The following RPP30 variants were observed in gnomAD, a reference collection of about 807,000 sequenced individuals.
RPP30 encodes ribonuclease P protein subunit p30.
RPP30 carries 36 observed loss-of-function variants against 38.6 expected under a neutral mutation model. The ratio of observed to expected loss-of-function variants is 0.93; its 90% confidence interval spans 0.71 to 1.23. The LOEUF is 1.23. Ranked by LOEUF, RPP30 falls within the 50% of genes most tolerant of loss-of-function variation. RPP30 has a pLI of 0.00. For missense variants in RPP30, 321 were observed against 321.7 expected, an observed-to-expected ratio of 1.00 and a Z score of 0.02; for synonymous variants, 126 against 112.7, an observed-to-expected ratio of 1.12 and a Z score of -0.75.
chr10:90,908,048 A>C (rs1054986615), downstream of RPP30, among the ~76,000 whole-genome samples: 1 of 152,222 alleles, frequency 6.6e-6, no homozygotes, highest in Non-Finnish European at 1.5e-5. Flanking sequence ...TACTGTAGGC[A>C]ACTATAACAC....
At position 90,901,184 on chromosome 10, in the gene RPP30, A is replaced by G. The variant is rs1396697263; in HGVS notation, c.*505A>G. The G allele has an allele frequency of 7.4e-6, 2 of 269,896 alleles. No homozygotes were observed. The highest frequency in any genetic ancestry group is 2.7e-5 in the African/African-American group (1 of 37,352). 16.7% of individuals were successfully genotyped at this position (269,896 alleles called of 1,614,324 possible). ...TTTTCCCTTGTAGAGACATGGTCTC[A>G]CTATGTTGCTGAGGCTGGTCTCAAA... On this transcript the variant is annotated 3_prime_UTR_variant, in exon 11 of 11. Transcript: ENST00000371703.
At position 90,901,794 on chromosome 10, in the gene RPP30, A is replaced by ACTGTT; in HGVS notation, c.*1119_*1123dup. 1 of 984,000 alleles carries ACTGTT rather than the reference A, an allele frequency of 1.0e-6. No homozygotes were observed. Among genetic ancestry groups the ACTGTT allele is most frequent in the Non-Finnish European group, 1.2e-6 (1 of 828,898 alleles). 61.0% of individuals were successfully genotyped at this position (984,000 alleles called of 1,614,324 possible). A position where few individuals can be genotyped will look rare whatever the true frequency, so the allele number is the denominator to read the frequency against. ...AATTTTTTTAAGCAAGAGAAAGACA[A>ACTGTT]CTGTTCTGCGGGTTGGAGAAAATAC... is the stretch of plus-strand genomic sequence containing the variant. On this transcript the variant is annotated 3_prime_UTR_variant, in exon 11 of 11. Coordinates refer to ENST00000371703, the MANE Select transcript of RPP30 (RefSeq NM_006413.5).
chr10:90,895,802 T>G lies in RPP30; in HGVS notation c.580-78T>G, dbSNP rs10881848. Reference sequence around the variant, plus strand: ...TTTTTTTATTTTTGGATACTTAAATTTTCTATTAATTTGCTATAAGTCATT... The same window carrying G: ...TTTTTTTATTTTTGGATACTTAAATGTTCTATTAATTTGCTATAAGTCATT... On this transcript the variant is annotated intron_variant, in intron 8 of 10. Coordinates refer to ENST00000371703, the MANE Select transcript of RPP30 (RefSeq NM_006413.5). 3.8e-6 allele frequency: 4 copies of G among 1,062,564 alleles called. No individual in the cohort carries two copies. In the African/African-American group the frequency reaches 5.0e-5, roughly 13 times the overall value. The allele number at this position is 1,062,564 out of a possible 1,614,324, so 65.8% of individuals were successfully genotyped here. A position where few individuals can be genotyped will look rare whatever the true frequency, so the allele number is the denominator to read the frequency against.
intron 10 of RPP30, among the ~76,000 whole-genome samples, chr10:90,897,364 T>C (rs915319330): frequency 2.0e-5 from 3 of 152,234 alleles, no homozygotes; most frequent in African/African-American, 7.2e-5. Flanking sequence ...GGCTTGTGTG[T>C]TGGGCTTTAT....
intron 10 of RPP30, among the ~76,000 whole-genome samples, chr10:90,899,560 A>T (rs1396748319): frequency 6.6e-6 from 1 of 152,160 alleles, no homozygotes; most frequent in Admixed American, 6.5e-5. Context: ...ATGGCCTTTC[A>T]TAAGTTACCC....
At position 90,894,881 on chromosome 10, in the gene RPP30, G is replaced by C. The variant is rs769295155; in HGVS notation, c.539G>C (p.Cys180Ser). The C allele has an allele frequency of 1.3e-5, 21 of 1,599,892 alleles. No homozygotes were observed. In the Admixed American group the frequency reaches 2.8e-4, roughly 22 times the overall value. Residue 180 changes from cysteine (C) to serine (S), a missense_variant, in exon 7 of 11, where the codon TGC becomes TCC. Cys to Ser is a moderately radical substitution (Grantham distance 112). Coordinates refer to ENST00000371703, the MANE Select transcript of RPP30 (RefSeq NM_006413.5). ...AGTGCCCTCAATTTGATGCAAATCT[G>C]CAAAGGAAAGGTATGGTTCTATAAT... ...ISSALNLMQICKGKNVIISSA... is the reference protein window; with the variant it reads ...ISSALNLMQISKGKNVIISSA...
chr10:90,873,246 TTAA>T (rs1341026714), intron 1 of RPP30, among the ~76,000 whole-genome samples: 3 of 152,190 alleles, frequency 2.0e-5, no homozygotes, highest in South Asian at 2.1e-4. Context: ...AAAAGAAAAG[TTAA>T]TAATGATTTC....
chr10:90,887,154 G>A (rs1481542702), intron 6 of RPP30, among the ~76,000 whole-genome samples: 18 of 151,586 alleles, frequency 1.2e-4, no homozygotes, highest in African/African-American at 3.9e-4. Context: ...GTTTTGTAAA[G>A]TTGAGGTCTC....
rs370641939 is a variant in RPP30 at position 90,884,269 on chromosome 10, C to T, written c.343-1543C>T. The stretch of plus-strand genomic sequence containing the variant: ...TTCTCTATAGGAGACTCCACTTATA[C>T]CTACTACATACCTATAAGTAGAATT... On this transcript the variant is annotated intron_variant, in intron 5 of 10. Coordinates refer to ENST00000371703, the MANE Select transcript of RPP30 (RefSeq NM_006413.5). Among the ~76,000 whole-genome samples, 24 of 152,298 alleles carry T rather than the reference C, an allele frequency of 1.6e-4. No homozygotes were observed. The South Asian group carries it at 4.8e-3, about 30-fold the overall frequency.
intron 1 of RPP30, among the ~76,000 whole-genome samples, chr10:90,873,203 A>G (rs1261914766): frequency 1.3e-5 from 2 of 152,234 alleles, no homozygotes; most frequent in Non-Finnish European, 2.9e-5. Context: ...ATGCTTGTGG[A>G]ATAAACTGAA....
intron 10 of RPP30, among the ~76,000 whole-genome samples, chr10:90,898,434 T>C (rs1475914137): frequency 6.6e-6 from 1 of 152,160 alleles, no homozygotes. Flanking sequence ...TTCTTAAGAT[T>C]GCTAATTCAG....
chr10:90,900,601 T>C lies in RPP30; in HGVS notation c.729T>C (p.Ser243=), dbSNP rs748048008. 6.2e-7 allele frequency: 1 copy of C among 1,613,502 alleles called. No homozygotes were observed. The highest frequency in any genetic ancestry group is 1.3e-5 in the African/African-American group (1 of 75,054). The change falls in exon 11 of 11, where the codon TCT becomes TCC. Residue 243 remains serine, a synonymous_variant. Transcript: ENST00000371703. ...ETRKTAFGII[S]TVKKPRPSEG... is the part of the protein sequence containing the mutation. ...GAAAAACTGCTTTTGGAATTATCTC[T>C]ACAGTGAAGAAACCTCGGCCATCAG...
intron 5 of RPP30, among the ~76,000 whole-genome samples, chr10:90,879,344 T>G (rs1361468801): frequency 1.3e-5 from 2 of 152,230 alleles, no homozygotes; most frequent in Non-Finnish European, 2.9e-5. Flanking sequence ...TGCTAACCTT[T>G]GATAGGCTCA....
intron 10 of RPP30, among the ~76,000 whole-genome samples, chr10:90,899,560 A>G (rs1396748319): frequency 1.3e-5 from 2 of 152,160 alleles, no homozygotes; most frequent in African/African-American, 2.4e-5. Context: ...ATGGCCTTTC[A>G]TAAGTTACCC....
chr10:90,875,885 C>T (rs1846845418), intron 3 of RPP30, 139 bp from the exon 4 acceptor site: 1 of 625,814 alleles, frequency 1.6e-6, no homozygotes, highest in African/African-American at 1.8e-5. Context: ...TTGTAAATTC[C>T]TAGAGAACAA....
chr10:90,884,283 A>G lies in RPP30; in HGVS notation c.343-1529A>G, dbSNP rs1319422816. 3.3e-5 allele frequency among the ~76,000 whole-genome samples: 5 copies of G among 152,182 alleles called. No homozygotes were observed. The East Asian group carries it at 7.7e-4, about 23-fold the overall frequency. ...CTCCACTTATACCTACTACATACCTATAAGTAGAATTGTTGGTGTGTGCAT... is the reference window on the plus strand; with the variant it reads ...CTCCACTTATACCTACTACATACCTGTAAGTAGAATTGTTGGTGTGTGCAT... On this transcript the variant is annotated intron_variant, in intron 5 of 10. Transcript: ENST00000371703.
chr10:90,896,738 C>T (rs1847143145), intron 10 of RPP30, among the ~76,000 whole-genome samples: 4 of 152,068 alleles, frequency 2.6e-5, no homozygotes, highest in East Asian at 1.9e-4. Flanking sequence ...TTTTAGAGAA[C>T]GGATATGTTA....
downstream of RPP30, chr10:90,902,214 TTC>T: frequency 1.3e-6 from 1 of 783,338 alleles, no homozygotes; most frequent in Non-Finnish European, 1.6e-6. Flanking sequence ...GTGAAATTTA[TTC>T]TTTTTTTCTT....
intron 5 of RPP30, among the ~76,000 whole-genome samples, chr10:90,883,844 T>C (rs918237612): frequency 6.6e-6 from 1 of 152,238 alleles, no homozygotes; most frequent in African/African-American, 2.4e-5. Flanking sequence ...TATGCCTTAC[T>C]TCCACCTAAA....
Sources: allele counts gnomAD v4.1 joint callset (sites outside exome capture counted in the v4.1 genomes callset), GRCh38; gene constraint gnomAD v4.1.1; transcripts MANE v1.5; gene names NCBI Gene and HGNC (gene_info 2026-07-23, HGNC 2026-07-21).